The following KRT7 variants were observed in gnomAD, a reference collection of about 807,000 sequenced individuals.
The protein encoded by KRT7 is keratin, type II cytoskeletal 7.
In KRT7, 50 loss-of-function variants were observed where a neutral mutation model predicts 42.8. That is an observed-to-expected ratio of 1.17 (90% CI 0.93 to 1.48). The LOEUF is 1.48. KRT7 is among the 40% of genes most tolerant of loss of function. The pLI is 0.00. For missense variants in KRT7, 588 were observed against 637.6 expected, an observed-to-expected ratio of 0.92 and a Z score of 0.84; for synonymous variants, 268 against 266.3, an observed-to-expected ratio of 1.01 and a Z score of -0.06.
rs1486075666 is a variant in KRT7 at position 52,235,300 on chromosome 12, T to G, written c.470T>G (p.Val157Gly). The change falls in exon 2 of 9, where the codon GTG becomes GGG. Residue 157 changes from valine to glycine, a missense_variant. By Grantham distance (109) the Val-to-Gly change is moderately radical (BLOSUM62 -3). Transcript: ENST00000331817. ...CGGGGTCAGCTTGAGGCACTGCAGG[T>G]GGATGGGGGCCGCCTGGAGGCGGAG... ...GLRGQLEALQ[V>G]DGGRLEAELR... is the part of the protein sequence containing the mutation. The G allele has an allele frequency of 6.2e-7, 1 of 1,613,966 alleles. No individual in the cohort carries two copies. The highest frequency in any genetic ancestry group is 2.2e-5 in the East Asian group (1 of 44,878).
rs1942220069 is a variant in KRT7 at position 52,248,761 on chromosome 12, G to A, written c.*1G>A. 6.4e-7 allele frequency: 1 copy of A among 1,551,924 alleles called. No individual in the cohort carries two copies. ...CAGTCGCAGGAGTGCCCGCGACTGAGCCGCCTCCCACCACTCCACTCCTCC... is the reference window on the plus strand; with the variant it reads ...CAGTCGCAGGAGTGCCCGCGACTGAACCGCCTCCCACCACTCCACTCCTCC... On this transcript the variant is annotated 3_prime_UTR_variant, in exon 9 of 9. Coordinates refer to ENST00000331817, the MANE Select transcript of KRT7 (RefSeq NM_005556.4).
intron 4 of KRT7, among the ~76,000 whole-genome samples, chr12:52,239,838 G>A (rs1237940970): frequency 1.3e-5 from 2 of 152,138 alleles, no homozygotes; most frequent in Non-Finnish European, 2.9e-5. Context: ...CTTGTCCTCC[G>A]GGGTTTCCAG....
chr12:52,238,832 C>G, intron 4 of KRT7, 57 bp downstream of exon 4: 1 of 1,106,742 alleles, frequency 9.0e-7, no homozygotes, highest in Non-Finnish European at 1.4e-6. Flanking sequence ...ACCAGGGAGC[C>G]ATCTGGTCCA....
chr12:52,254,612 G>A (rs1284939237), downstream of KRT7, among the ~76,000 whole-genome samples: 1 of 152,190 alleles, frequency 6.6e-6, no homozygotes, highest in Non-Finnish European at 1.5e-5. Context: ...GGCACCCACT[G>A]GGATGATTTC....
At chr12:52,253,137 G>A (rs1942291714), downstream of KRT7, 8 of 1,369,786 alleles carry the variant, frequency 5.8e-6, no homozygotes, top group East Asian at 2.3e-5. Context: ...ACTGGCAAGG[G>A]GTCTAACCCA....
At chr12:52,233,684 T>G in intron 1 of KRT7, 64 bp downstream of exon 1, 2 of 1,524,112 alleles carry the variant, frequency 1.3e-6, no homozygotes, top group Non-Finnish European at 1.8e-6. Flanking sequence ...CCGCCCTAAC[T>G]AGCCCTGCCT....
chr12:52,239,047 C>T (rs1400645284), intron 4 of KRT7, among the ~76,000 whole-genome samples: 1 of 152,238 alleles, frequency 6.6e-6, no homozygotes, highest in Non-Finnish European at 1.5e-5. Context: ...GTCCCTCCCT[C>T]CGTTCCTCAC....
At chr12:52,236,900 G>A (rs902799491) in intron 2 of KRT7, among the ~76,000 whole-genome samples, 6 of 152,192 alleles carry the variant, frequency 3.9e-5, no homozygotes, top group South Asian at 2.1e-4. Flanking sequence ...CATCAGGCGG[G>A]ACCTGGTTCT....
downstream of KRT7, among the ~76,000 whole-genome samples, chr12:52,255,832 A>T (rs1485366719): frequency 1.3e-4 from 20 of 152,212 alleles, no homozygotes; most frequent in Admixed American, 1.3e-3. Context: ...TGAATTAATG[A>T]AATAAACATA....
chr12:52,241,582 TGAG>T lies in KRT7; in HGVS notation c.808_810del (p.Glu270del). The T allele has an allele frequency of 6.2e-7, 1 of 1,613,618 alleles. No homozygotes were observed. Among genetic ancestry groups the T allele is most frequent in the Non-Finnish European group, 8.5e-7 (1 of 1,179,694 alleles). ...TCATCGCTGAGGTCAAGGCGCAGTA[TGAG>T]GAGATGGCCAAATGCAGCCGGGCTG... On this transcript the variant is annotated inframe_deletion, in exon 5 of 9. Coordinates refer to ENST00000331817, the MANE Select transcript of KRT7 (RefSeq NM_005556.4).
rs749445675 is a variant in KRT7 at position 52,245,413 on chromosome 12, G to T, written c.986G>T (p.Arg329Leu). 10 of 1,613,448 alleles carry T rather than the reference G, an allele frequency of 6.2e-6. No individual in the cohort carries two copies. Among genetic ancestry groups the T allele is most frequent in the Non-Finnish European group, 8.5e-6 (10 of 1,179,946 alleles). Residue 329 changes from arginine to leucine, a missense_variant and splice_region_variant, in exon 7 of 9, where the codon CGT becomes CTT. Physicochemically the swap from Arg to Leu is moderately radical, Grantham distance 102. Transcript: ENST00000331817. ...TTACAGCTGCACTGCTGCCCACAGC[G>T]TGCCAAGTTGGAGGCCGCCATTGCC... ...QAEIDNIKNQRAKLEAAIAEA... is the reference protein window; with the variant it reads ...QAEIDNIKNQLAKLEAAIAEA...
downstream of KRT7, chr12:52,249,171 A>T (rs1392323771): frequency 1.3e-5 from 2 of 156,270 alleles, no homozygotes; most frequent in African/African-American, 2.4e-5. Flanking sequence ...TCTGCCAGCA[A>T]TTGGGCCTTG....
At chr12:52,235,450 C>A in intron 2 of KRT7, 84 bp downstream of exon 2, 1 of 1,189,332 alleles carries the variant, frequency 8.4e-7, no homozygotes, top group Non-Finnish European at 1.2e-6. Flanking sequence ...AGTCCCCCTG[C>A]TTCAGGAATC....
intron 7 of KRT7, chr12:52,247,469 C>T (rs1870219): frequency 0.98 from 149,990 of 152,456 alleles, 73,793 homozygotes; most frequent in East Asian, 1. Context: ...TCCACCAAAG[C>T]GAGGTCTTCC....
intron 1 of KRT7, 55 bp downstream of exon 1, chr12:52,233,675 C>T: frequency 6.4e-7 from 1 of 1,566,444 alleles, no homozygotes; most frequent in Non-Finnish European, 8.8e-7. Context: ...CCACACCAGC[C>T]GCCCTAACTA....
chr12:52,233,628 G>A lies in KRT7; in HGVS notation c.324+8G>A, dbSNP rs200596603. On this transcript the variant is annotated splice_region_variant and intron_variant, in intron 1 of 8. Coordinates refer to ENST00000331817, the MANE Select transcript of KRT7 (RefSeq NM_005556.4). Reference sequence around the variant, plus strand: ...GCCTCCTTCATCGACAAGGTGAGCGGGACTGGACCTCGCCTCTCCTCGAGC... The same window carrying A: ...GCCTCCTTCATCGACAAGGTGAGCGAGACTGGACCTCGCCTCTCCTCGAGC... 9 of 1,611,934 alleles carry A rather than the reference G, an allele frequency of 5.6e-6. No individual in the cohort carries two copies. Among genetic ancestry groups the A allele is most frequent in the African/African-American group, 2.7e-5 (2 of 74,968 alleles).
intron 4 of KRT7, among the ~76,000 whole-genome samples, chr12:52,241,032 T>C (rs1163994229): frequency 6.6e-6 from 1 of 152,022 alleles, no homozygotes; most frequent in Non-Finnish European, 1.5e-5. Context: ...ATGCTTTTTT[T>C]AATGCAACAG....
At chr12:52,251,956 G>A (rs1942271652), downstream of KRT7, 1 of 569,878 alleles carries the variant, frequency 1.8e-6, no homozygotes, top group Non-Finnish European at 3.3e-6. Context: ...ACTATCTGAA[G>A]CTCTAAGAAA....
At chr12:52,239,251 A>C (rs1339554674) in intron 4 of KRT7, among the ~76,000 whole-genome samples, 1 of 152,222 alleles carries the variant, frequency 6.6e-6, no homozygotes, top group East Asian at 1.9e-4. Flanking sequence ...TGATAAGAAC[A>C]GAAAAAGTGA....
Sources: gnomAD v4.1 joint callset for allele counts (sites outside exome capture counted in the v4.1 genomes callset) on GRCh38, gnomAD v4.1.1 for gene constraint, MANE v1.5 for transcripts, NCBI Gene and HGNC (gene_info 2026-07-23, HGNC 2026-07-21) for gene names.